ERBB4: variants seen among roughly 807,000 people sequenced by gnomAD.
ERBB4 encodes erb-b2 receptor tyrosine kinase 4.
ERBB4 carries 42 observed loss-of-function variants against 158.0 expected under a neutral mutation model. The ratio of observed to expected loss-of-function variants is 0.27; its 90% CI spans 0.21 to 0.34. ERBB4 has a LOEUF of 0.34. Among genes scored for constraint, ERBB4 ranks in the 10% least tolerant of loss-of-function variants. The pLI is 1.00. For missense variants in ERBB4, 1,333 were observed against 1,624.1 expected, an observed-to-expected ratio of 0.82 and a Z score of 3.08; for synonymous variants, 583 against 558.7, an observed-to-expected ratio of 1.04 and a Z score of -0.61.
At chr2:212,142,380 A>G (rs551459387) in intron 1 of ERBB4, among the ~76,000 whole-genome samples, 1 of 151,914 alleles carries the variant, frequency 6.6e-6, no homozygotes, top group Admixed American at 6.6e-5. Context: ...GGATGGACGC[A>G]TAAATGAATG....
At chr2:211,702,204 G>A (rs781581114) in intron 11 of ERBB4, 38 bp from the exon 12 acceptor site, 17 of 1,472,586 alleles carry the variant, frequency 1.2e-5, no homozygotes, top group East Asian at 2.3e-5. Flanking sequence ...ACCATGAAAC[G>A]CATTCCGGAG....
intron 2 of ERBB4, among the ~76,000 whole-genome samples, chr2:212,030,587 A>T (rs1224851928): frequency 1.3e-5 from 2 of 152,120 alleles, no homozygotes. Flanking sequence ...AGAAAAATGT[A>T]AGAGAGATGA....
chr2:212,084,159 A>C (rs2078532513), intron 2 of ERBB4, among the ~76,000 whole-genome samples: 1 of 151,988 alleles, frequency 6.6e-6, no homozygotes, highest in Non-Finnish European at 1.5e-5. Context: ...ATAAGGAAAG[A>C]TAAATAGGAA....
intron 20 of ERBB4, among the ~76,000 whole-genome samples, chr2:211,480,219 C>G (rs1325712565): frequency 6.6e-6 from 1 of 152,114 alleles, no homozygotes; most frequent in East Asian, 1.9e-4. Context: ...TTCTCTGGCT[C>G]CTTCACATCT....
At chr2:212,305,619 C>G (rs11686012) in intron 1 of ERBB4, among the ~76,000 whole-genome samples, 5,453 of 151,206 alleles carry the variant, frequency 0.036, 145 homozygotes, top group Middle Eastern at 0.099. Context: ...TTCCAGTATG[C>G]CTCACTATGG....
intron 1 of ERBB4, among the ~76,000 whole-genome samples, chr2:212,190,079 T>C (rs2082139785): frequency 6.6e-6 from 1 of 152,252 alleles, no homozygotes; most frequent in South Asian, 2.1e-4. Flanking sequence ...AAGTTCTATG[T>C]TACTTTTTAG....
At chr2:211,828,135 C>G (rs1004412527) in intron 3 of ERBB4, among the ~76,000 whole-genome samples, 1 of 152,144 alleles carries the variant, frequency 6.6e-6, no homozygotes, top group South Asian at 2.1e-4. Context: ...TGTGACTGAA[C>G]AGAGTCTTAG....
In ERBB4 at chr2:212,446,646, G is replaced by A. The variant is rs1159397899; in HGVS notation, c.82+91803C>T. Among the ~76,000 whole-genome samples, 7 of 59,638 alleles carry A rather than the reference G, an allele frequency of 1.2e-4. No individual in the cohort carries two copies. The East Asian group carries it at 3.3e-3, about 28-fold the overall frequency. 39.1% of individuals were successfully genotyped at this position (59,638 alleles called of 152,430 possible). A position where few individuals can be genotyped will look rare whatever the true frequency, so the allele number is the denominator to read the frequency against. On this transcript the variant is annotated intron_variant, in intron 1 of 27. Transcript: ENST00000342788. ...ATATATATATATATATATCCTATTA[G>A]TTCTGTCCCTCTAGAGAACCCTGAC...
intron 1 of ERBB4, among the ~76,000 whole-genome samples, chr2:212,316,563 G>T (rs1378968012): frequency 6.6e-6 from 1 of 151,486 alleles, no homozygotes; most frequent in Non-Finnish European, 1.5e-5. Context: ...AAATGATCCA[G>T]TGTAAAGGTC....
At chr2:212,221,906 GAATAT>G (rs2083301991) in intron 1 of ERBB4, among the ~76,000 whole-genome samples, 1 of 151,244 alleles carries the variant, frequency 6.6e-6, no homozygotes, top group African/African-American at 2.4e-5. Context: ...TATTTGTAAA[GAATAT>G]TATATAAAAA....
In ERBB4 at chr2:211,429,951, C is replaced by T. The variant is rs143195525; in HGVS notation, c.2643+994G>A. On this transcript the variant is annotated intron_variant, in intron 21 of 27. Transcript: ENST00000342788. ...AAGCCATGTGATTTATAGACTTCAA[C>T]TTCTGTGCAGTCTTAGAGTGAATTT... 2.5e-3 allele frequency among the ~76,000 whole-genome samples: 376 copies of T among 152,284 alleles called. 2 individuals are homozygous for T. Among genetic ancestry groups the T allele is most frequent in the Admixed American group, 4.5e-3 (69 of 15,304 alleles).
chr2:212,058,332 C>T (rs895150007), intron 2 of ERBB4, among the ~76,000 whole-genome samples: 3 of 152,240 alleles, frequency 2.0e-5, no homozygotes, highest in South Asian at 2.1e-4. Flanking sequence ...CAGGACCAGA[C>T]AGATTCACAG....
At chr2:212,524,800 C>T (rs1330864824) in intron 1 of ERBB4, among the ~76,000 whole-genome samples, 1 of 151,942 alleles carries the variant, frequency 6.6e-6, no homozygotes, top group Non-Finnish European at 1.5e-5. Flanking sequence ...TACTGTGACA[C>T]TATTCATATT....
intron 1 of ERBB4, among the ~76,000 whole-genome samples, chr2:212,268,516 G>A: frequency 6.6e-6 from 1 of 151,770 alleles, no homozygotes; most frequent in Non-Finnish European, 1.5e-5. Context: ...TTGCATTTTT[G>A]AAAGAATAAA....
chr2:212,211,706 CA>C (rs2082940849), intron 1 of ERBB4, among the ~76,000 whole-genome samples: 1 of 151,234 alleles, frequency 6.6e-6, no homozygotes, highest in Non-Finnish European at 1.5e-5. Context: ...CCTATTGACC[CA>C]TCCTCTAAGT....
At chr2:211,418,709 C>A (rs1224712268) in intron 25 of ERBB4, among the ~76,000 whole-genome samples, 1 of 151,816 alleles carries the variant, frequency 6.6e-6, no homozygotes, top group African/African-American at 2.4e-5. Context: ...ACTGTTGTAA[C>A]CAGAAGTAAT....
chr2:211,514,863 G>A (rs779440707), intron 20 of ERBB4, among the ~76,000 whole-genome samples: 1 of 152,034 alleles, frequency 6.6e-6, no homozygotes, highest in Non-Finnish European at 1.5e-5. Flanking sequence ...TATCACATTG[G>A]TGCTCAAAAA....
intron 16 of ERBB4, among the ~76,000 whole-genome samples, chr2:211,640,121 T>G (rs2125891936): frequency 6.6e-6 from 1 of 152,312 alleles, no homozygotes; most frequent in East Asian, 1.9e-4. Flanking sequence ...TAACTATACT[T>G]TAGATTCCCC....
At position 211,814,171 on chromosome 2, in the gene ERBB4, T is replaced by C. The variant is rs538559215; in HGVS notation, c.422-26012A>G. ...CTAAAATACACCTTAGGCATATATA[T>C]TCATAACGCATAGATGTCATACTGG... On this transcript the variant is annotated intron_variant, in intron 3 of 27. Coordinates refer to ENST00000342788, the MANE Select transcript of ERBB4 (RefSeq NM_005235.3). Among the ~76,000 whole-genome samples, 4 of 152,264 alleles carry C rather than the reference T, an allele frequency of 2.6e-5. No individual in the cohort carries two copies. The East Asian group carries it at 7.7e-4, about 29-fold the overall frequency.
Sources: allele counts gnomAD v4.1 joint callset (sites outside exome capture counted in the v4.1 genomes callset), GRCh38; gene constraint gnomAD v4.1.1; transcripts MANE v1.5; gene names NCBI Gene and HGNC (gene_info 2026-07-23, HGNC 2026-07-21).